The following TRPS1 variants were observed in gnomAD, a reference collection of about 807,000 sequenced individuals.
TRPS1 encodes the protein transcriptional repressor GATA binding 1.
A neutral mutation model predicts 101.2 loss-of-function variants in TRPS1; 6 were observed. The observed-to-expected ratio is 0.06, with a 90% CI of 0.03 to 0.12. The LOEUF (loss-of-function observed/expected upper bound fraction) is 0.12. Among genes scored for constraint, TRPS1 ranks in the 10% least tolerant of loss-of-function variants. The probability of loss-of-function intolerance (pLI) is 1.00; values close to 1 mark genes in which losing one functional copy is unlikely to be tolerated. For synonymous variants in TRPS1, 578 were observed against 589.8 expected, an observed-to-expected ratio of 0.98 and a Z score of 0.29; for missense variants, 1,363 against 1,567.0, an observed-to-expected ratio of 0.87 and a Z score of 2.20.
intron 5 of TRPS1, among the ~76,000 whole-genome samples, chr8:115,556,929 T>C (rs1816834549): frequency 6.6e-6 from 1 of 152,176 alleles, no homozygotes; most frequent in African/African-American, 2.4e-5. Flanking sequence ...TGTATTAGTA[T>C]GCTTTCATGC....
intron 5 of TRPS1, among the ~76,000 whole-genome samples, chr8:115,547,628 C>T (rs953072355): frequency 6.6e-6 from 1 of 152,186 alleles, no homozygotes; most frequent in African/African-American, 2.4e-5. Flanking sequence ...TTTCTCCCAA[C>T]CTGCCTCCCT....
intron 5 of TRPS1, among the ~76,000 whole-genome samples, chr8:115,540,644 T>C (rs1429876326): frequency 1.3e-5 from 2 of 151,822 alleles, no homozygotes; most frequent in African/African-American, 4.8e-5. Context: ...TTACTAATTA[T>C]ATTATTTAAA....
rs752895683 is a variant in TRPS1, at chr8:115,536,522, C to CAAAAA, written c.2700+50474_2700+50478dup. Among the ~76,000 whole-genome samples, 68 of 102,454 alleles carry CAAAAA rather than the reference C, an allele frequency of 6.6e-4. 3 individuals are homozygous for CAAAAA. Among genetic ancestry groups the CAAAAA allele is most frequent in the East Asian group, 3.3e-3 (12 of 3,618 alleles). 67.2% of individuals were successfully genotyped at this position (102,454 alleles called of 152,430 possible). A position where few individuals can be genotyped will look rare whatever the true frequency, so the allele number is the denominator to read the frequency against. ...TGGGCGACAGAGGGAGACTCCGTCT[C>CAAAAA]AAAAAAAAAAAAAAAAAAATGTATT... On this transcript the variant is annotated intron_variant, in intron 5 of 6. Coordinates refer to ENST00000395715, the MANE Select transcript of TRPS1 (RefSeq NM_014112.5).
At chr8:115,499,706 C>T (rs16887500) in intron 5 of TRPS1, among the ~76,000 whole-genome samples, 1 of 152,106 alleles carries the variant, frequency 6.6e-6, no homozygotes, top group Admixed American at 6.5e-5. Context: ...ATTCTATTTC[C>T]TTGGTGCAGA....
At position 115,533,506 on chromosome 8, in the gene TRPS1, C is replaced by G. The variant is rs77494402; in HGVS notation, c.2700+53495G>C. On this transcript the variant is annotated intron_variant, in intron 5 of 6. Transcript: ENST00000395715. ...GTTAAATTTAAATATTTCAAACATGCAAACTCTCAAGAGGGTACCATGATT... is the reference window on the plus strand; with the variant it reads ...GTTAAATTTAAATATTTCAAACATGGAAACTCTCAAGAGGGTACCATGATT... Among the ~76,000 whole-genome samples, 750 of 129,146 alleles carry G rather than the reference C, an allele frequency of 5.8e-3. 23 individuals are homozygous for G. In the East Asian group the frequency reaches 0.11, roughly 19 times the overall value. 84.7% of individuals were successfully genotyped at this position (129,146 alleles called of 152,430 possible). A position where few individuals can be genotyped will look rare whatever the true frequency, so the allele number is the denominator to read the frequency against.
intron 5 of TRPS1, among the ~76,000 whole-genome samples, chr8:115,529,813 C>T (rs1816087958): frequency 6.6e-6 from 1 of 152,142 alleles, no homozygotes; most frequent in African/African-American, 2.4e-5. Context: ...CTCTAGTTTT[C>T]AGCACCTGGT....
intron 5 of TRPS1, among the ~76,000 whole-genome samples, chr8:115,535,293 T>G (rs200276760): frequency 0.012 from 1,233 of 106,294 alleles, 78 homozygotes; most frequent in Middle Eastern, 0.049. Context: ...AGCATATATA[T>G]AGCATATATA....
chr8:115,593,756 T>TA (rs1268161261), intron 4 of TRPS1, among the ~76,000 whole-genome samples: 10 of 152,190 alleles, frequency 6.6e-5, no homozygotes, highest in African/African-American at 2.4e-4. Flanking sequence ...ATTTTTCCTC[T>TA]ATTTCTCAAG....
chr8:115,601,423 A>T (rs1297339662), intron 4 of TRPS1, among the ~76,000 whole-genome samples: 1 of 152,160 alleles, frequency 6.6e-6, no homozygotes, highest in African/African-American at 2.4e-5. Flanking sequence ...GGCCACTATT[A>T]CTGTTCAGCT....
chr8:115,642,307 C>A (rs376020780), intron 1 of TRPS1, among the ~76,000 whole-genome samples: 151,590 of 151,590 alleles, frequency 1, 75,795 homozygotes, highest in Non-Finnish European at 1. Flanking sequence ...AGTCATATAT[C>A]CGATATGAAT....
chr8:115,600,834 C>T lies in TRPS1; in HGVS notation c.2096+3039G>A, dbSNP rs151096843. Among the ~76,000 whole-genome samples the T allele has an allele frequency of 9.2e-3, 1,401 of 152,076 alleles. 53 individuals carry two copies. Among genetic ancestry groups the T allele is most frequent in the Admixed American group, 0.065 (995 of 15,256 alleles). ...AGTAGCAGTTAATAGAGAGCAGGTA[C>T]ACAGTTGAATTAAATGATAAATAAT... On this transcript the variant is annotated intron_variant, in intron 4 of 6. Coordinates refer to ENST00000395715, the MANE Select transcript of TRPS1 (RefSeq NM_014112.5).
chr8:115,418,317 A>G lies in TRPS1; in HGVS notation c.2823+13T>C. Reference sequence around the variant, plus strand: ...TATAAAGCTTTTCCTGAAAGAGTGGAACAAGTTCTTACCGAGTGAAGCTTC... The same window carrying G: ...TATAAAGCTTTTCCTGAAAGAGTGGGACAAGTTCTTACCGAGTGAAGCTTC... On this transcript the variant is annotated intron_variant, in intron 6 of 6. Coordinates refer to ENST00000395715, the MANE Select transcript of TRPS1 (RefSeq NM_014112.5). This position sits in a 1 kb window ranked among gnomAD's most constrained non-coding sequence, Gnocchi z 4.3. 2 of 1,614,120 alleles carry G rather than the reference A, an allele frequency of 1.2e-6. No individual in the cohort carries two copies. Among genetic ancestry groups the G allele is most frequent in the Non-Finnish European group, 1.7e-6 (2 of 1,179,966 alleles).
rs1429243853 is a variant in TRPS1, at chr8:115,413,666, C to A, written c.*357G>T. On this transcript the variant is annotated 3_prime_UTR_variant, in exon 7 of 7. Transcript: ENST00000395715. Reference sequence around the variant, plus strand: ...CTGCTTTAGTATAATAATATGTAAACCCTTTCAAATTCTAGACAGTTTTGG... The same window carrying A: ...CTGCTTTAGTATAATAATATGTAAAACCTTTCAAATTCTAGACAGTTTTGG... 2 of 233,354 alleles carry A rather than the reference C, an allele frequency of 8.6e-6. No homozygotes were observed. Among genetic ancestry groups the A allele is most frequent in the South Asian group, 6.3e-5 (1 of 15,920 alleles). The allele number at this position is 233,354 out of a possible 1,614,324, so 14.5% of individuals were successfully genotyped here.
At chr8:115,554,966 G>A (rs914761575) in intron 5 of TRPS1, among the ~76,000 whole-genome samples, 1 of 152,084 alleles carries the variant, frequency 6.6e-6, no homozygotes, top group Non-Finnish European at 1.5e-5. Flanking sequence ...CAGGGCAAGA[G>A]GGCGAAAATA....
intron 1 of TRPS1, among the ~76,000 whole-genome samples, chr8:115,634,968 T>C (rs1818734535): frequency 6.6e-6 from 1 of 152,080 alleles, no homozygotes; most frequent in Non-Finnish European, 1.5e-5. Context: ...TTCTCCTTCA[T>C]GAAGTCTCAC....
At chr8:115,507,693 G>T (rs1341760616) in intron 5 of TRPS1, among the ~76,000 whole-genome samples, 2 of 152,102 alleles carry the variant, frequency 1.3e-5, no homozygotes, top group Admixed American at 6.6e-5. Flanking sequence ...ATATAAAGTT[G>T]ACAGATAATA....
intron 5 of TRPS1, among the ~76,000 whole-genome samples, chr8:115,484,957 C>A (rs542152420): frequency 6.6e-6 from 1 of 152,286 alleles, no homozygotes; most frequent in Admixed American, 6.5e-5. Flanking sequence ...TGTAAGATGA[C>A]CTCCAAGATT....
At chr8:115,506,249 AG>A (rs1563560541) in intron 5 of TRPS1, among the ~76,000 whole-genome samples, 1 of 152,008 alleles carries the variant, frequency 6.6e-6, no homozygotes, top group Admixed American at 6.6e-5. Context: ...AAAAACATGC[AG>A]GAAAAAAAAA....
intron 5 of TRPS1, among the ~76,000 whole-genome samples, chr8:115,577,330 A>G (rs892213988): frequency 1.8e-4 from 27 of 152,168 alleles, no homozygotes; most frequent in Non-Finnish European, 3.5e-4. Flanking sequence ...CATAAATAAC[A>G]TCATACATCT....
Sources: gnomAD v4.1 joint callset for allele counts (sites outside exome capture counted in the v4.1 genomes callset) on GRCh38, gnomAD v4.1.1 for gene constraint, Gnocchi (gnomAD v3.1) non-coding constraint, MANE v1.5 for transcripts, NCBI Gene and HGNC (gene_info 2026-07-23, HGNC 2026-07-21) for gene names.